DLEU7: variants seen among roughly 807,000 people sequenced by gnomAD.
DLEU7 encodes deleted in lymphocytic leukemia 7, also known as leukemia-associated protein 7.
A neutral mutation model predicts 16.0 loss-of-function variants in DLEU7; 17 were observed. The ratio of observed to expected loss-of-function variants is 1.06; its 90% CI spans 0.73 to 1.59. The LOEUF (loss-of-function observed/expected upper bound fraction) is 1.59. DLEU7 is among the 40% of genes most tolerant of loss of function. The pLI, the probability that DLEU7 is intolerant of heterozygous loss-of-function variation, is 0.00. For missense variants in DLEU7, 308 were observed against 314.9 expected, an observed-to-expected ratio of 0.98 and a Z score of 0.17; for synonymous variants, 113 against 139.8, an observed-to-expected ratio of 0.81 and a Z score of 1.35.
intron 1 of DLEU7, among the ~76,000 whole-genome samples, chr13:50,782,935 A>G (rs1281892196): frequency 6.6e-6 from 1 of 152,184 alleles, no homozygotes; most frequent in Non-Finnish European, 1.5e-5. Context: ...AGCTCCCAAG[A>G]CAGTTTCCCA....
chr13:50,808,511 A>G (rs1367576357), intron 1 of DLEU7: 1 of 152,204 alleles, frequency 6.6e-6, no homozygotes, highest in Non-Finnish European at 1.5e-5. Flanking sequence ...ACAGAGTTCC[A>G]TATCTGTCCT....
chr13:50,815,131 C>T (rs1876692143), intron 1 of DLEU7, among the ~76,000 whole-genome samples: 1 of 152,018 alleles, frequency 6.6e-6, no homozygotes, highest in Non-Finnish European at 1.5e-5. Flanking sequence ...CCCTCTTTTT[C>T]CCCCGCCAAG....
At chr13:50,835,582 G>T (rs1319850755) in intron 1 of DLEU7, among the ~76,000 whole-genome samples, 1 of 152,170 alleles carries the variant, frequency 6.6e-6, no homozygotes, top group Non-Finnish European at 1.5e-5. Context: ...AGAGAGCTTG[G>T]CTATTTGAAA....
intron 1 of DLEU7, among the ~76,000 whole-genome samples, chr13:50,842,869 G>A (rs1566272052): frequency 6.6e-6 from 1 of 152,214 alleles, no homozygotes; most frequent in Non-Finnish European, 1.5e-5. Context: ...CAAGCTGCAC[G>A]TGTGGAAAGG....
At chr13:50,746,898 C>T (rs10467383) in intron 1 of DLEU7, among the ~76,000 whole-genome samples, 6,692 of 152,126 alleles carry the variant, frequency 0.044, 440 homozygotes, top group African/African-American at 0.15. Flanking sequence ...CAGTTTTCTC[C>T]GCATACATAC....
intron 1 of DLEU7, among the ~76,000 whole-genome samples, chr13:50,837,479 G>C (rs914294771): frequency 1.3e-5 from 2 of 152,144 alleles, no homozygotes; most frequent in African/African-American, 4.8e-5. Flanking sequence ...GCTACTTCTA[G>C]AGCAGTCACC....
chr13:50,767,401 A>C (rs985425289), intron 1 of DLEU7, among the ~76,000 whole-genome samples: 2 of 140,692 alleles, frequency 1.4e-5, no homozygotes, highest in African/African-American at 5.3e-5. Flanking sequence ...GCTTGCAGTG[A>C]GCCGAGATCG....
intron 1 of DLEU7, among the ~76,000 whole-genome samples, chr13:50,737,994 G>A (rs968571473): frequency 6.6e-6 from 1 of 152,094 alleles, no homozygotes; most frequent in East Asian, 1.9e-4. Flanking sequence ...GTAAACACAC[G>A]AATGATAAGA....
At chr13:50,828,774 C>T (rs949563128) in intron 1 of DLEU7, among the ~76,000 whole-genome samples, 2 of 152,126 alleles carry the variant, frequency 1.3e-5, no homozygotes, top group Non-Finnish European at 2.9e-5. Flanking sequence ...TAGAAAACAT[C>T]CCTCAGAAAC....
intron 1 of DLEU7, among the ~76,000 whole-genome samples, chr13:50,786,824 A>G (rs1048240109): frequency 6.6e-6 from 1 of 152,228 alleles, no homozygotes; most frequent in African/African-American, 2.4e-5. Flanking sequence ...ACAGAGAAAT[A>G]TTAGGATAAG....
chr13:50,754,621 C>G (rs1346958758), intron 1 of DLEU7, among the ~76,000 whole-genome samples: 1 of 152,178 alleles, frequency 6.6e-6, no homozygotes, highest in Non-Finnish European at 1.5e-5. Context: ...GAGTTCTTAT[C>G]TATTCTGCAG....
chr13:50,826,806 C>T (rs932410112), intron 1 of DLEU7, among the ~76,000 whole-genome samples: 7 of 152,056 alleles, frequency 4.6e-5, no homozygotes, highest in Admixed American at 2.6e-4. Context: ...TGGACTTCAA[C>T]GAATGACAAG....
chr13:50,840,895 G>A (rs7333545), intron 1 of DLEU7, among the ~76,000 whole-genome samples: 14,112 of 152,130 alleles, frequency 0.093, 921 homozygotes, highest in African/African-American at 0.18. Flanking sequence ...TCTCAGAAAA[G>A]GTGTGAGCGG....
At chr13:50,827,590 G>A (rs563106730) in intron 1 of DLEU7, among the ~76,000 whole-genome samples, 1 of 152,188 alleles carries the variant, frequency 6.6e-6, no homozygotes, top group Non-Finnish European at 1.5e-5. Flanking sequence ...GGAGGCTGAG[G>A]TGGGAGGATC....
At chr13:50,810,602 C>T (rs780360029) in intron 1 of DLEU7, among the ~76,000 whole-genome samples, 54 of 152,062 alleles carry the variant, frequency 3.6e-4, no homozygotes, top group South Asian at 4.1e-4. Context: ...ATTTGGAAAT[C>T]ACCGCATTAG....
At chr13:50,749,848 G>C (rs756027786) in intron 1 of DLEU7, among the ~76,000 whole-genome samples, 2 of 152,184 alleles carry the variant, frequency 1.3e-5, no homozygotes, top group Non-Finnish European at 2.9e-5. Flanking sequence ...TCCTCTGTCA[G>C]ATGTATAGAT....
At chr13:50,820,884 A>T (rs1876882189), downstream of DLEU7, among the ~76,000 whole-genome samples, 1 of 152,182 alleles carries the variant, frequency 6.6e-6, no homozygotes, top group African/African-American at 2.4e-5. Context: ...TTCAACACGT[A>T]ATCAGTATAA....
upstream of DLEU7, chr13:50,843,709 G>C: frequency 2.0e-6 from 3 of 1,471,626 alleles, no homozygotes; most frequent in Non-Finnish European, 1.8e-6. The surrounding 1 kb of genome is among the most constrained non-coding windows in gnomAD (Gnocchi z 5.7). Context: ...GGAGGCGGGG[G>C]CGTTGGGGTC....
At chr13:50,823,645 G>A in intron 1 of DLEU7, 125 bp from the exon 2 acceptor site, 2 of 1,127,260 alleles carry the variant, frequency 1.8e-6, no homozygotes, top group South Asian at 1.6e-5. Flanking sequence ...TTTTTTTCTT[G>A]GAAAACTACA....
Sources: gnomAD v4.1 joint callset for allele counts (sites outside exome capture counted in the v4.1 genomes callset) on GRCh38, gnomAD v4.1.1 for gene constraint, Gnocchi (gnomAD v3.1) non-coding constraint, MANE v1.5 for transcripts, NCBI Gene and HGNC (gene_info 2026-07-23, HGNC 2026-07-21) for gene names.